Variants in RALYL observed in about 807,000 individuals in gnomAD.
RALYL encodes the protein RNA-binding Raly-like protein.
RALYL carries 29 observed loss-of-function variants against 35.1 expected under a neutral mutation model. The observed-to-expected ratio is 0.83, with a 90% CI of 0.61 to 1.13. RALYL has a LOEUF of 1.13. Among genes scored for constraint, RALYL ranks in the 50% most tolerant of loss-of-function variants. The pLI, the probability that RALYL is intolerant of heterozygous loss-of-function variation, is 0.00. For missense variants in RALYL, 359 were observed against 360.4 expected (o/e 1.00, Z 0.03); for synonymous variants, 120 against 127.6 (o/e 0.94, Z 0.40).
chr8:84,755,095 A>G (rs1434198291), intron 2 of RALYL, among the ~76,000 whole-genome samples: 1 of 152,182 alleles, frequency 6.6e-6, no homozygotes, highest in African/African-American at 2.4e-5. Context: ...TCAACTGTCA[A>G]GATGACTCAG....
chr8:84,216,141 T>C (rs952498529), intron 1 of RALYL, among the ~76,000 whole-genome samples: 5 of 152,102 alleles, frequency 3.3e-5, no homozygotes, highest in Non-Finnish European at 7.4e-5. Context: ...AGAAAACAGC[T>C]TTATAGATTG....
chr8:84,431,944 G>T (rs1192457157), intron 1 of RALYL, among the ~76,000 whole-genome samples: 1 of 152,106 alleles, frequency 6.6e-6, no homozygotes, highest in African/African-American at 2.4e-5. Context: ...ACAAGCATTG[G>T]TAAGAATGTG....
chr8:84,227,005 G>GT (rs1824047317), intron 1 of RALYL, among the ~76,000 whole-genome samples: 1 of 144,852 alleles, frequency 6.9e-6, no homozygotes, highest in Non-Finnish European at 1.5e-5. Flanking sequence ...TTGTGTGTAT[G>GT]TACATGTTTA....
intron 1 of RALYL, among the ~76,000 whole-genome samples, chr8:84,439,899 C>T (rs995378902): frequency 1.3e-5 from 2 of 152,006 alleles, no homozygotes; most frequent in Admixed American, 6.6e-5. Flanking sequence ...TCATGCATGT[C>T]GGTAATCTTC....
chr8:84,311,447 A>G (rs1586175398), intron 1 of RALYL, among the ~76,000 whole-genome samples: 1 of 152,178 alleles, frequency 6.6e-6, no homozygotes, highest in Non-Finnish European at 1.5e-5. Flanking sequence ...TTTTCTATTC[A>G]TAAATGACAA....
intron 2 of RALYL, among the ~76,000 whole-genome samples, chr8:84,713,372 A>G (rs993175710): frequency 9.2e-5 from 14 of 152,052 alleles, no homozygotes; most frequent in Non-Finnish European, 2.1e-4. Flanking sequence ...ATAGCAATAA[A>G]ATTAATAACT....
chr8:84,380,553 A>T (rs1857771884), intron 1 of RALYL, among the ~76,000 whole-genome samples: 1 of 151,908 alleles, frequency 6.6e-6, no homozygotes, highest in Non-Finnish European at 1.5e-5. Context: ...ATGGAAAGAG[A>T]AACGGGAAAG....
At chr8:84,463,858 A>C (rs564748786) in intron 1 of RALYL, among the ~76,000 whole-genome samples, 14 of 152,184 alleles carry the variant, frequency 9.2e-5, no homozygotes, top group African/African-American at 3.4e-4. Context: ...ATCATGGTGT[A>C]GAACAATGCC....
At chr8:84,330,987 G>A (rs1309899845) in intron 1 of RALYL, among the ~76,000 whole-genome samples, 1 of 152,054 alleles carries the variant, frequency 6.6e-6, no homozygotes, top group Non-Finnish European at 1.5e-5. Flanking sequence ...GAAATGGATA[G>A]CATTTGGTCT....
chr8:84,191,816 A>G (rs1221625745), intron 1 of RALYL, among the ~76,000 whole-genome samples: 1 of 152,230 alleles, frequency 6.6e-6, no homozygotes, highest in Non-Finnish European at 1.5e-5. Context: ...TAATTAAATG[A>G]TTAGCCTGCC....
chr8:84,856,580 T>C (rs1485986710), intron 5 of RALYL, among the ~76,000 whole-genome samples: 1 of 152,212 alleles, frequency 6.6e-6, no homozygotes, highest in Admixed American at 6.5e-5. Flanking sequence ...ATTTACTCAT[T>C]TACTGGTCTC....
intron 2 of RALYL, among the ~76,000 whole-genome samples, chr8:84,579,432 T>G (rs1035209094): frequency 2.6e-5 from 4 of 152,118 alleles, no homozygotes; most frequent in Non-Finnish European, 5.9e-5. Flanking sequence ...AGCGTGGGGC[T>G]CCAGCCCTAA....
At chr8:84,882,111 C>A (rs894727342) in intron 7 of RALYL, among the ~76,000 whole-genome samples, 1 of 151,906 alleles carries the variant, frequency 6.6e-6, no homozygotes, top group African/African-American at 2.4e-5. Flanking sequence ...CATTATAAAC[C>A]GTTTCTTTTT....
intron 1 of RALYL, among the ~76,000 whole-genome samples, chr8:84,282,547 G>C (rs375930472): frequency 9.3e-4 from 141 of 152,034 alleles, no homozygotes; most frequent in African/African-American, 3.3e-3. Flanking sequence ...TAATTTTAAG[G>C]CTCTTTCTTT....
At chr8:84,913,211 T>A (rs972701255) in intron 8 of RALYL, among the ~76,000 whole-genome samples, 1 of 152,002 alleles carries the variant, frequency 6.6e-6, no homozygotes, top group Admixed American at 6.6e-5. Flanking sequence ...AAGTTCAGTC[T>A]AGTCATCATG....
chr8:84,313,831 A>T (rs1290942625), intron 1 of RALYL, among the ~76,000 whole-genome samples: 1 of 152,036 alleles, frequency 6.6e-6, no homozygotes, highest in African/African-American at 2.4e-5. Flanking sequence ...TCTTCTTCTG[A>T]TCCCTCCAAA....
intron 2 of RALYL, among the ~76,000 whole-genome samples, chr8:84,555,183 G>A (rs557215904): frequency 1.3e-5 from 2 of 152,202 alleles, no homozygotes; most frequent in Non-Finnish European, 1.5e-5. Context: ...GGAGGCTGAG[G>A]CAGGAGAATC....
At chr8:84,557,725 C>T (rs955782469) in intron 2 of RALYL, among the ~76,000 whole-genome samples, 1 of 151,736 alleles carries the variant, frequency 6.6e-6, no homozygotes, top group Non-Finnish European at 1.5e-5. Flanking sequence ...TTTAGAAGAT[C>T]TATTTACTAT....
At chr8:84,786,905 G>T (rs1819620952) in intron 3 of RALYL, among the ~76,000 whole-genome samples, 1 of 152,028 alleles carries the variant, frequency 6.6e-6, no homozygotes. Context: ...TAAACATCAT[G>T]ACCAAAACTA....
Sources: gnomAD v4.1 joint callset for allele counts (sites outside exome capture counted in the v4.1 genomes callset) on GRCh38, gnomAD v4.1.1 for gene constraint, MANE v1.5 for transcripts, NCBI Gene and HGNC (gene_info 2026-07-23, HGNC 2026-07-21) for gene names.